Variants in TENM3 observed in about 807,000 individuals in gnomAD.
The protein encoded by TENM3 is teneurin-3.
TENM3 carries 63 observed loss-of-function variants against 255.1 expected under a neutral mutation model. The ratio of observed to expected loss-of-function variants is 0.25; its 90% CI spans 0.20 to 0.30. TENM3 has a LOEUF of 0.30. Ranked by LOEUF, TENM3 falls within the 10% of genes least tolerant of loss-of-function variation. The probability of loss-of-function intolerance (pLI) is 1.00; values close to 1 mark genes in which losing one functional copy is unlikely to be tolerated. For synonymous variants in TENM3, 1,306 were observed against 1,322.3 expected (o/e 0.99, Z 0.27); for missense variants, 2,929 against 3,461.1 (o/e 0.85, Z 3.86).
intron 3 of TENM3, among the ~76,000 whole-genome samples, chr4:182,442,330 T>C (rs1191444669): frequency 6.6e-6 from 1 of 152,202 alleles, no homozygotes; most frequent in African/African-American, 2.4e-5. Flanking sequence ...TACATATGGA[T>C]TCTTTTGAAA....
chr4:182,536,548 C>T (rs1407626855), intron 3 of TENM3, among the ~76,000 whole-genome samples: 2 of 152,254 alleles, frequency 1.3e-5, no homozygotes, highest in East Asian at 1.9e-4. Context: ...AAAGTACACA[C>T]TTTTTTTTCT....
At chr4:182,075,957 A>G in the TENM3 span, among the ~76,000 whole-genome samples, 4 of 152,222 alleles carry the variant, frequency 2.6e-5, no homozygotes, top group African/African-American at 9.6e-5. Context: ...TCTGTTGCCC[A>G]GGCTGGAGCA....
At chr4:182,688,551 G>A (rs893968638) in intron 12 of TENM3, among the ~76,000 whole-genome samples, 200 bp downstream of exon 12, 6 of 152,162 alleles carry the variant, frequency 3.9e-5, no homozygotes, top group Non-Finnish European at 8.8e-5. Flanking sequence ...ACAAGTATGA[G>A]CTATAAACTT....
At chr4:182,367,261 A>G (rs1265414427) in intron 3 of TENM3, among the ~76,000 whole-genome samples, 3 of 152,156 alleles carry the variant, frequency 2.0e-5, no homozygotes, top group African/African-American at 7.2e-5. Context: ...CAGTGGTAGC[A>G]TTGTAAGGAG....
At chr4:181,454,691 T>TTTTTTTACCATTTTTATACTTTTTTTTC in the TENM3 span, among the ~76,000 whole-genome samples, 1 of 150,140 alleles carries the variant, frequency 6.7e-6, no homozygotes, top group African/African-American at 2.5e-5. Flanking sequence ...ACTTTTTTTT[T>TTTTTTTACCATTTTTATACTTTTTTTTC]CTGGTGTGCC....
chr4:181,505,388 ATACCAGTTCC>A, the TENM3 span, among the ~76,000 whole-genome samples: 7 of 152,218 alleles, frequency 4.6e-5, no homozygotes, highest in Admixed American at 3.3e-4. Flanking sequence ...AAATGCAATA[ATACCAGTTCC>A]TACAAATGCA....
chr4:182,555,541 G>T (rs1259562592), intron 3 of TENM3, among the ~76,000 whole-genome samples: 1 of 152,048 alleles, frequency 6.6e-6, no homozygotes, highest in Non-Finnish European at 1.5e-5. Flanking sequence ...CTACAGCATT[G>T]GTGATGAAAT....
chr4:182,281,681 C>T (rs2150274437), intron 1 of TENM3, among the ~76,000 whole-genome samples: 1 of 152,270 alleles, frequency 6.6e-6, no homozygotes, highest in African/African-American at 2.4e-5. Flanking sequence ...TTAATTATAA[C>T]TCAGATGTGC....
intron 13 of TENM3, among the ~76,000 whole-genome samples, chr4:182,715,510 A>G (rs1759086751): frequency 6.6e-6 from 1 of 152,246 alleles, no homozygotes; most frequent in African/African-American, 2.4e-5. Context: ...GAGAAGATGC[A>G]TGTGAAGTGT....
At chr4:182,781,459 C>T (rs1408662976) in intron 24 of TENM3, among the ~76,000 whole-genome samples, 4 of 151,180 alleles carry the variant, frequency 2.6e-5, no homozygotes, top group African/African-American at 9.7e-5. Flanking sequence ...TTCGGTTTGC[C>T]AGTATTTTAT....
At chr4:182,523,232 A>T (rs1159822005) in intron 3 of TENM3, among the ~76,000 whole-genome samples, 1 of 151,816 alleles carries the variant, frequency 6.6e-6, no homozygotes, top group Non-Finnish European at 1.5e-5. Flanking sequence ...GAGTAGGCAC[A>T]TGTTAAGTAA....
At chr4:182,732,469 C>T (rs749464789) in intron 16 of TENM3, among the ~76,000 whole-genome samples, 4 of 152,144 alleles carry the variant, frequency 2.6e-5, no homozygotes, top group Admixed American at 6.5e-5. Context: ...GATTGTGTTC[C>T]GTCCCACATG....
chr4:182,076,307 C>G, the TENM3 span, among the ~76,000 whole-genome samples: 1 of 149,952 alleles, frequency 6.7e-6, no homozygotes, highest in Non-Finnish European at 1.5e-5. Flanking sequence ...TGGGTTCAAG[C>G]GATTCTCTTG....
the TENM3 span, among the ~76,000 whole-genome samples, chr4:181,831,479 A>G: frequency 2.1e-5 from 3 of 140,600 alleles, no homozygotes; most frequent in Non-Finnish European, 4.6e-5. Flanking sequence ...CTATCATTTT[A>G]ATTAACATTG....
chr4:182,062,726 T>G, the TENM3 span, among the ~76,000 whole-genome samples: 95 of 152,338 alleles, frequency 6.2e-4, no homozygotes, highest in Middle Eastern at 3.4e-3. Context: ...CATAGACACT[T>G]TGGACTCCAA....
intron 3 of TENM3, among the ~76,000 whole-genome samples, chr4:182,504,019 A>G (rs911193673): frequency 6.6e-6 from 1 of 150,570 alleles, no homozygotes; most frequent in Admixed American, 6.6e-5. Flanking sequence ...ATATATATAT[A>G]TTTTTATTTT....
chr4:182,304,750 TAG>T (rs1189372162), intron 1 of TENM3, among the ~76,000 whole-genome samples: 1 of 152,112 alleles, frequency 6.6e-6, no homozygotes, highest in African/African-American at 2.4e-5. Flanking sequence ...TCGTGTCCAA[TAG>T]AGAGTTGAAT....
chr4:182,678,294 G>A (rs1309340704), intron 7 of TENM3, among the ~76,000 whole-genome samples: 1 of 152,072 alleles, frequency 6.6e-6, no homozygotes, highest in Admixed American at 6.5e-5. Context: ...AAACTCTCCA[G>A]TCACCAATGT....
At chr4:181,706,147 A>G in the TENM3 span, among the ~76,000 whole-genome samples, 138 of 152,146 alleles carry the variant, frequency 9.1e-4, no homozygotes, top group African/African-American at 3.2e-3. Flanking sequence ...CTTGGCTTAG[A>G]GATGCTGTTG....
Sources: gnomAD v4.1 joint callset for allele counts (sites outside exome capture counted in the v4.1 genomes callset) on GRCh38, gnomAD v4.1.1 for gene constraint, MANE v1.5 for transcripts, NCBI Gene and HGNC (gene_info 2026-07-23, HGNC 2026-07-21) for gene names.